MCC: variants seen among roughly 807,000 people sequenced by gnomAD.
MCC encodes the protein MCC regulator of Wnt signaling pathway.
Under a neutral mutation model 116.2 loss-of-function variants are expected in MCC, and 90 were observed. The ratio of observed to expected loss-of-function variants is 0.77; its 90% confidence interval spans 0.65 to 0.92. MCC has a LOEUF of 0.92. Among genes scored for constraint, MCC ranks in the 40% least tolerant of loss-of-function variants. The pLI, the probability that MCC is intolerant of heterozygous loss-of-function variation, is 0.00. For synonymous variants in MCC, 578 were observed against 510.5 expected, an observed-to-expected ratio of 1.13 and a Z score of -1.78; for missense variants, 1,516 against 1,312.2, an observed-to-expected ratio of 1.16 and a Z score of -2.40.
chr5:113,327,561 A>AAATATATATATATAT (rs1480996383), intron 3 of MCC, among the ~76,000 whole-genome samples: 17 of 80,542 alleles, frequency 2.1e-4, no homozygotes, highest in African/African-American at 3.0e-4. Context: ...AAAAAAAAAA[A>AAATATATATATATAT]ATATATATAT....
chr5:113,408,406 G>A (rs920005825), intron 1 of MCC, among the ~76,000 whole-genome samples: 2 of 152,096 alleles, frequency 1.3e-5, no homozygotes, highest in African/African-American at 4.8e-5. Context: ...TTTTCTTGGA[G>A]ATACAACATG....
At chr5:113,406,287 G>A (rs1659924875) in intron 1 of MCC, among the ~76,000 whole-genome samples, 1 of 152,148 alleles carries the variant, frequency 6.6e-6, no homozygotes, top group African/African-American at 2.4e-5. Context: ...TTTCCTTCCA[G>A]CTGAAGGAAA....
intron 17 of MCC, 22 bp downstream of exon 17, chr5:113,043,508 G>A (rs1281190214): frequency 6.2e-7 from 1 of 1,601,366 alleles, no homozygotes; most frequent in East Asian, 2.2e-5. Flanking sequence ...AACACCAGCT[G>A]GGGTGGGGAA....
intron 1 of MCC, among the ~76,000 whole-genome samples, chr5:113,453,628 C>T (rs1771460941): frequency 6.6e-6 from 1 of 152,204 alleles, no homozygotes; most frequent in South Asian, 2.1e-4. Flanking sequence ...TTACAGCTGA[C>T]TCCCAGCTGT....
rs1025889367 is a variant in MCC, at chr5:113,022,699, C to T, written c.*4603G>A. 1 of 152,112 alleles carries T rather than the reference C, an allele frequency of 6.6e-6. No homozygotes were observed. The highest frequency in any genetic ancestry group is 6.5e-5 in the Admixed American group (1 of 15,278). The allele number at this position is 152,112 out of a possible 1,614,324, so 9.4% of individuals were successfully genotyped here. A position where few individuals can be genotyped will look rare whatever the true frequency, so the allele number is the denominator to read the frequency against. On this transcript the variant is annotated 3_prime_UTR_variant, in exon 19 of 19. Coordinates refer to ENST00000408903, the MANE Select transcript of MCC (RefSeq NM_001085377.2). Reference sequence around the variant, plus strand: ...AAAGTGCAAAAGGGAATGGTAGAACCAGAATTACTAAGTACGGCATCAGTG... The same window carrying T: ...AAAGTGCAAAAGGGAATGGTAGAACTAGAATTACTAAGTACGGCATCAGTG...
chr5:113,473,981 T>C (rs1187781712), intron 1 of MCC, among the ~76,000 whole-genome samples: 2 of 152,218 alleles, frequency 1.3e-5, no homozygotes, highest in Non-Finnish European at 2.9e-5. Context: ...GTGAGACTTA[T>C]CTAAAGTTAC....
At chr5:113,420,680 A>G (rs1338372987) in intron 1 of MCC, among the ~76,000 whole-genome samples, 1 of 152,236 alleles carries the variant, frequency 6.6e-6, no homozygotes, top group Non-Finnish European at 1.5e-5. Flanking sequence ...TTTTATAAAT[A>G]TAAAGGACAT....
intron 3 of MCC, among the ~76,000 whole-genome samples, chr5:113,157,095 C>G (rs1036425804): frequency 7.2e-5 from 11 of 152,212 alleles, no homozygotes; most frequent in African/African-American, 2.7e-4. Flanking sequence ...CCCTTGAACT[C>G]TGCAGTCCAA....
chr5:113,073,416 T>C (rs1408486712), intron 11 of MCC, among the ~76,000 whole-genome samples: 1 of 152,216 alleles, frequency 6.6e-6, no homozygotes, highest in African/African-American at 2.4e-5. Context: ...ATAATGTCAA[T>C]CAGATCTTGT....
At position 113,129,734 on chromosome 5, in the gene MCC, A is replaced by C. The variant is rs191783305; in HGVS notation, c.885-6908T>G. 2.5e-3 allele frequency among the ~76,000 whole-genome samples: 380 copies of C among 152,388 alleles called. 1 individual carries two copies. The highest frequency in any genetic ancestry group is 8.8e-3 in the African/African-American group (366 of 41,596). On this transcript the variant is annotated intron_variant, in intron 5 of 18. Transcript: ENST00000408903. ...ATGCAGCCAACAAACATTTGAAAGA[A>C]AGCTCATCATCACTGGTCATTAAAG... is the stretch of plus-strand genomic sequence containing the variant.
At chr5:113,043,718 T>G (rs1580908460) in intron 16 of MCC, 88 bp from the exon 17 acceptor site, 1 of 885,772 alleles carries the variant, frequency 1.1e-6, no homozygotes, top group African/African-American at 1.7e-5. Context: ...AGGTGGCTCG[T>G]GCAGTGATGG....
chr5:113,289,594 C>A (rs1021005053), intron 3 of MCC, among the ~76,000 whole-genome samples: 1 of 152,102 alleles, frequency 6.6e-6, no homozygotes, highest in African/African-American at 2.4e-5. Context: ...TCCTCTTTCT[C>A]GGAACCCAGC....
chr5:113,239,128 C>A (rs1271131564), intron 3 of MCC, among the ~76,000 whole-genome samples: 5 of 152,086 alleles, frequency 3.3e-5, no homozygotes, highest in Non-Finnish European at 7.4e-5. Flanking sequence ...ATAAATTGGA[C>A]ATACAAGCTG....
At chr5:113,106,605 G>T (rs1452058453) in intron 6 of MCC, among the ~76,000 whole-genome samples, 1 of 151,986 alleles carries the variant, frequency 6.6e-6, no homozygotes, top group Non-Finnish European at 1.5e-5. Flanking sequence ...CAATCCTGTG[G>T]AGTACAGGCA....
intron 6 of MCC, among the ~76,000 whole-genome samples, chr5:113,117,977 C>T (rs914536224): frequency 1.3e-5 from 2 of 152,226 alleles, no homozygotes; most frequent in African/African-American, 4.8e-5. Flanking sequence ...ACTGGCATGT[C>T]TTCCTGTTTA....
At position 113,025,592 on chromosome 5, in the gene MCC, CAAAAAAAA is replaced by C. The variant is rs9326871; in HGVS notation, c.*1702_*1709del. 1.7e-5 allele frequency: 2 copies of C among 121,184 alleles called. No individual in the cohort carries two copies. The highest frequency in any genetic ancestry group is 3.4e-5 in the Non-Finnish European group (2 of 58,536). The allele number at this position is 121,184 out of a possible 1,614,324, so 7.5% of individuals were successfully genotyped here. A position where few individuals can be genotyped will look rare whatever the true frequency, so the allele number is the denominator to read the frequency against. ...CCTGGTGACGAGCAAAACTCCATCT[CAAAAAAAA>C]AAAAAAAAAATCACAGGAACTAACT... On this transcript the variant is annotated 3_prime_UTR_variant, in exon 19 of 19. Transcript: ENST00000408903.
At chr5:113,204,179 C>G (rs568182849) in intron 3 of MCC, among the ~76,000 whole-genome samples, 1 of 152,136 alleles carries the variant, frequency 6.6e-6, no homozygotes, top group Non-Finnish European at 1.5e-5. Context: ...TTGCAAGAAC[C>G]GTTTCATCAG....
intron 3 of MCC, among the ~76,000 whole-genome samples, chr5:113,214,650 T>C (rs1763245663): frequency 6.6e-6 from 1 of 152,134 alleles, no homozygotes; most frequent in South Asian, 2.1e-4. Flanking sequence ...CCAACTTTAC[T>C]CACTCAGTTC....
chr5:113,036,001 A>C (rs895776619), intron 17 of MCC, among the ~76,000 whole-genome samples: 5 of 141,806 alleles, frequency 3.5e-5, no homozygotes, highest in African/African-American at 1.3e-4. Context: ...CTCATTTTTA[A>C]GGATGAGGAA....
Sources: allele counts gnomAD v4.1 joint callset (sites outside exome capture counted in the v4.1 genomes callset), GRCh38; gene constraint gnomAD v4.1.1; transcripts MANE v1.5; gene names NCBI Gene and HGNC (gene_info 2026-07-23, HGNC 2026-07-21).